Variants in KCTD5 observed in about 807,000 individuals in gnomAD.
KCTD5 encodes the protein BTB/POZ domain-containing protein KCTD5.
Under a neutral mutation model 27.9 loss-of-function variants are expected in KCTD5, and 12 were observed. That is an observed-to-expected ratio of 0.43 (90% CI 0.28 to 0.70). KCTD5 has a LOEUF of 0.70. Ranked by LOEUF, KCTD5 falls within the 30% of genes least tolerant of loss-of-function variation. The pLI, the probability that KCTD5 is intolerant of heterozygous loss-of-function variation, is 0.19. For synonymous variants in KCTD5, 147 were observed against 121.4 expected (o/e 1.21, Z -1.39); for missense variants, 226 against 274.8 (o/e 0.82, Z 1.26).
At chr16:2,696,712 G>A (rs561648570) in intron 2 of KCTD5, among the ~76,000 whole-genome samples, 131 of 152,270 alleles carry the variant, frequency 8.6e-4, no homozygotes, top group African/African-American at 3.0e-3. Flanking sequence ...ACTGGGCAGC[G>A]TCTGACTCCG....
rs528409385 is a variant in KCTD5, at chr16:2,708,233, G to C, written c.*906G>C. ...GGTCTGCGTCACGGTGAAAATTCGG[G>C]ATGTTTACAGAGCATCACAAATGCC... On this transcript the variant is annotated 3_prime_UTR_variant, in exon 6 of 6. Transcript: ENST00000301738. 22 of 152,706 alleles carry C rather than the reference G, an allele frequency of 1.4e-4. No individual in the cohort carries two copies. Among genetic ancestry groups the C allele is most frequent in the Non-Finnish European group, 2.9e-4 (20 of 68,080 alleles). 9.5% of individuals were successfully genotyped at this position (152,706 alleles called of 1,614,324 possible).
chr16:2,690,237 C>A (rs946091647), intron 1 of KCTD5, among the ~76,000 whole-genome samples: 1 of 152,250 alleles, frequency 6.6e-6, no homozygotes, highest in Non-Finnish European at 1.5e-5. Flanking sequence ...GCGGAGTCTT[C>A]CTCCGTCTGC....
intron 3 of KCTD5, among the ~76,000 whole-genome samples, chr16:2,699,542 C>T (rs1023152753): frequency 3.9e-5 from 6 of 152,214 alleles, no homozygotes; most frequent in East Asian, 3.8e-4. Context: ...GTCGTCATGT[C>T]GAGCCACAGG....
Position 2,707,239 on chromosome 16 carries a change from C to A in KCTD5, c.676-59C>A. 2.6e-6 allele frequency: 4 copies of A among 1,554,616 alleles called. No individual in the cohort carries two copies. The South Asian group carries it at 4.6e-5, about 18-fold the overall frequency. ...TGGGCTCTGTTTTCTGGAGCAGGCG[C>A]CTGGTCAGGGACACCTCCTCAGCCC... On this transcript the variant is annotated intron_variant, in intron 5 of 5. Coordinates refer to ENST00000301738, the MANE Select transcript of KCTD5 (RefSeq NM_018992.4).
intron 5 of KCTD5, among the ~76,000 whole-genome samples, chr16:2,702,958 G>A (rs1264413491): frequency 7.5e-6 from 1 of 133,614 alleles, no homozygotes; most frequent in Non-Finnish European, 1.6e-5. Context: ...CACTACGTGG[G>A]CCTCATCTTT....
intron 1 of KCTD5, among the ~76,000 whole-genome samples, chr16:2,692,318 T>C (rs1242521312): frequency 6.6e-6 from 1 of 152,110 alleles, no homozygotes; most frequent in East Asian, 1.9e-4. Context: ...AGGGTGAGCA[T>C]GACGAAGAGA....
In KCTD5 at chr16:2,687,411, C is replaced by T. The variant is rs1362987178; in HGVS notation, c.252+4611C>T. Among the ~76,000 whole-genome samples, 3 of 152,346 alleles carry T rather than the reference C, an allele frequency of 2.0e-5. No homozygotes were observed. The East Asian group carries it at 5.8e-4, about 29-fold the overall frequency. On this transcript the variant is annotated intron_variant, in intron 1 of 5. Coordinates refer to ENST00000301738, the MANE Select transcript of KCTD5 (RefSeq NM_018992.4). ...AAATGCTGTCGCTGCAGGGCAGTTC[C>T]TCTTTCTGGCCCTGCAGATACAGCC...
At position 2,702,412 on chromosome 16, in the gene KCTD5, T is replaced by C. The variant is rs755289632; in HGVS notation, c.609T>C (p.Cys203=). 6.2e-7 allele frequency: 1 copy of C among 1,613,512 alleles called. No homozygotes were observed. The highest frequency in any genetic ancestry group is 8.5e-7 in the Non-Finnish European group (1 of 1,179,962). The change falls in exon 5 of 6, where the codon TGT becomes TGC. Residue 203 remains cysteine (C), a synonymous_variant. Coordinates refer to ENST00000301738, the MANE Select transcript of KCTD5 (RefSeq NM_018992.4). ...ACGAAGACCAAGCCGAGTTCCTCTG[T>C]GTGGTGTCCAAGGAGCTGCACAACA... ...YGNEDQAEFL[C]VVSKELHNTP... is the part of the protein sequence containing the mutation.
intron 1 of KCTD5, among the ~76,000 whole-genome samples, chr16:2,693,497 G>GTCTTGAGGCCGAGCCCA (rs1165689588): frequency 6.6e-6 from 1 of 152,238 alleles, no homozygotes; most frequent in Non-Finnish European, 1.5e-5. Context: ...CTGCCTGCCC[G>GTCTTGAGGCCGAGCCCA]TCTTGAGGCC....
chr16:2,701,873 G>C (rs1429305225), intron 4 of KCTD5, among the ~76,000 whole-genome samples: 1 of 152,198 alleles, frequency 6.6e-6, no homozygotes, highest in Non-Finnish European at 1.5e-5. Flanking sequence ...AGGCAGGTTG[G>C]AGTGGCCTAA....
At chr16:2,684,145 A>G (rs1301823703) in intron 1 of KCTD5, 3 of 152,098 alleles carry the variant, frequency 2.0e-5, no homozygotes, top group Non-Finnish European at 4.4e-5. Context: ...TTCTTTTTAA[A>G]TAACAGGGCT....
At chr16:2,703,343 G>C (rs1214718141) in intron 5 of KCTD5, among the ~76,000 whole-genome samples, 1 of 152,116 alleles carries the variant, frequency 6.6e-6, no homozygotes, top group Non-Finnish European at 1.5e-5. Context: ...TGGGGTCTGC[G>C]TGGGTCTGGG....
intron 1 of KCTD5, among the ~76,000 whole-genome samples, chr16:2,685,378 G>A (rs1172091857): frequency 6.6e-6 from 1 of 152,112 alleles, no homozygotes; most frequent in Non-Finnish European, 1.5e-5. Context: ...AGTGGGCTGA[G>A]GTTGCGCCAC....
At chr16:2,688,583 C>T (rs886903456) in intron 1 of KCTD5, among the ~76,000 whole-genome samples, 15 of 149,084 alleles carry the variant, frequency 1.0e-4, no homozygotes, top group Admixed American at 2.0e-4. Flanking sequence ...TTTCCCCTCC[C>T]GCAGCCACAC....
intron 1 of KCTD5, among the ~76,000 whole-genome samples, chr16:2,691,449 C>T (rs1377993890): frequency 3.9e-5 from 6 of 152,188 alleles, no homozygotes; most frequent in South Asian, 4.1e-4. Flanking sequence ...CTCTGGTGCC[C>T]GGCGGCTCAG....
chr16:2,699,776 G>A, intron 3 of KCTD5, 45 bp from the exon 4 acceptor site: 2 of 1,576,318 alleles, frequency 1.3e-6, no homozygotes, highest in Non-Finnish European at 1.7e-6. Flanking sequence ...AGGCAGCAGT[G>A]GGACATGGGT....
intron 1 of KCTD5, among the ~76,000 whole-genome samples, chr16:2,690,647 C>CA (rs1347705760): frequency 6.6e-6 from 1 of 152,224 alleles, no homozygotes; most frequent in Admixed American, 6.5e-5. Flanking sequence ...CGCAGCATCT[C>CA]ACTGGCTTCC....
intron 3 of KCTD5, among the ~76,000 whole-genome samples, 196 bp from the exon 4 acceptor site, chr16:2,699,625 C>CA (rs2067602529): frequency 6.6e-6 from 1 of 152,144 alleles, no homozygotes; most frequent in African/African-American, 2.4e-5. Context: ...TGGAGGCGAA[C>CA]GAGGAAGCAG....
Position 2,707,676 on chromosome 16 carries a change from G to C in KCTD5, c.*349G>C, listed in dbSNP as rs1445029046. On this transcript the variant is annotated 3_prime_UTR_variant, in exon 6 of 6. Transcript: ENST00000301738. ...GGAAGCGTTCTTGGTGCTACACACA[G>C]TCTGGAAAAGCAGCCTGGGCTTCAC... 7.3e-6 allele frequency: 4 copies of C among 546,656 alleles called. No individual in the cohort carries two copies. The highest frequency in any genetic ancestry group is 1.3e-5 in the Non-Finnish European group (4 of 308,104). 33.9% of individuals were successfully genotyped at this position (546,656 alleles called of 1,614,324 possible).
Sources: gnomAD v4.1 joint callset for allele counts (sites outside exome capture counted in the v4.1 genomes callset) on GRCh38, gnomAD v4.1.1 for gene constraint, MANE v1.5 for transcripts, NCBI Gene and HGNC (gene_info 2026-07-23, HGNC 2026-07-21) for gene names.